The following YBX3 variants were observed in gnomAD, a reference collection of about 807,000 sequenced individuals.
The protein encoded by YBX3 is Y-box binding protein 3.
YBX3 carries 29 observed loss-of-function variants against 42.4 expected under a neutral mutation model. That is an observed-to-expected ratio of 0.68 (90% CI 0.51 to 0.93). The LOEUF (loss-of-function observed/expected upper bound fraction) is 0.93, where lower values mean the gene tolerates loss of function less well. Among genes scored for constraint, YBX3 ranks in the 40% least tolerant of loss-of-function variants. YBX3 has a pLI of 0.00. For synonymous variants in YBX3, 195 were observed against 189.8 expected (o/e 1.03, Z -0.22); for missense variants, 517 against 527.5 (o/e 0.98, Z 0.19).
At chr12:10,708,283 T>C (rs1349601593) in intron 6 of YBX3, among the ~76,000 whole-genome samples, 1 of 152,128 alleles carries the variant, frequency 6.6e-6, no homozygotes, top group East Asian at 1.9e-4. Flanking sequence ...ATGTCCTTAG[T>C]GCATAAGGCA....
chr12:10,709,991 G>A lies in YBX3; in HGVS notation c.697C>T (p.Arg233Trp), dbSNP rs753555662. The A allele has an allele frequency of 3.5e-5, 56 of 1,614,068 alleles. No homozygotes were observed. The highest frequency in any genetic ancestry group is 1.6e-4 in the Middle Eastern group (1 of 6,084). ...TGGTAAGGCGGGAACCGCCGCTGCC[G>A]GTACTGAGGGCGATACTGGGGGCGG... is the stretch of plus-strand genomic sequence containing the variant. ...LRRPQYRPQYRQRRFPPYHVG... is the reference protein window; with the variant it reads ...LRRPQYRPQYWQRRFPPYHVG... Residue 233 changes from arginine (R) to tryptophan (W), a missense_variant, in exon 6 of 10, where the codon CGG (arginine) becomes TGG (tryptophan). Arg to Trp is a moderately radical substitution (Grantham distance 101, BLOSUM62 -3). This residue lies in a region of YBX3 where 420 missense variants were observed against 408.5 expected (regional missense o/e 1.03). Transcript: ENST00000228251.
intron 7 of YBX3, 111 bp from the exon 8 acceptor site, chr12:10,702,245 G>T (rs970885055): frequency 1.6e-5 from 17 of 1,078,284 alleles, no homozygotes; most frequent in South Asian, 9.0e-5. Flanking sequence ...TCAGGGCCAG[G>T]CATGATGGCT....
Position 10,704,095 on chromosome 12 carries a change from C to T in YBX3, c.834G>A (p.Gln278=). 1.9e-6 allele frequency: 3 copies of T among 1,614,192 alleles called. No individual in the cohort carries two copies. The highest frequency in any genetic ancestry group is 2.5e-6 in the Non-Finnish European group (3 of 1,180,038). ...AAGTTGGATTTCGATGAACCGGTCC[C>T]TGAAGTTGTGCTCCCTCTGGGACTC... is the stretch of plus-strand genomic sequence containing the variant. The part of the protein sequence containing the change: ...KDGVPEGAQL[Q]GPVHRNPTYR... The change falls in exon 7 of 10, where the codon CAG becomes CAA. Residue 278 remains glutamine, a synonymous_variant. Transcript: ENST00000228251.
At chr12:10,701,444 G>A in intron 8 of YBX3, 91 bp from the exon 9 acceptor site, 1 of 745,484 alleles carries the variant, frequency 1.3e-6, no homozygotes, top group Non-Finnish European at 2.5e-6. Context: ...GAATTTTCCT[G>A]TGAAGGAAAA....
chr12:10,703,862 G>A, intron 7 of YBX3, 189 bp downstream of exon 7: 1 of 537,820 alleles, frequency 1.9e-6, no homozygotes, highest in South Asian at 3.0e-5. Flanking sequence ...TTGGCGCAGA[G>A]ATAACTAAAA....
chr12:10,703,957 T>C (rs1247976891), intron 7 of YBX3, 94 bp downstream of exon 7: 5 of 1,189,388 alleles, frequency 4.2e-6, no homozygotes, highest in Non-Finnish European at 6.2e-6. Flanking sequence ...CTTCTAGATA[T>C]ATAATAAATC....
At chr12:10,707,667 C>A (rs1948153196) in intron 6 of YBX3, among the ~76,000 whole-genome samples, 1 of 152,144 alleles carries the variant, frequency 6.6e-6, no homozygotes, top group South Asian at 2.1e-4. Context: ...TGTTGAGATC[C>A]CTTTACTGGC....
chr12:10,713,491 G>A (rs1447517445), intron 4 of YBX3, among the ~76,000 whole-genome samples, 158 bp from the exon 5 acceptor site: 2 of 152,164 alleles, frequency 1.3e-5, no homozygotes, highest in African/African-American at 4.8e-5. Context: ...AGTGAGCAAG[G>A]TACTTCACAT....
intron 1 of YBX3, among the ~76,000 whole-genome samples, chr12:10,720,301 G>T (rs999751358): frequency 6.6e-6 from 1 of 152,202 alleles, no homozygotes; most frequent in African/African-American, 2.4e-5. Context: ...GGGTAGTTCT[G>T]AAGTTTGCTA....
Position 10,719,491 on chromosome 12 carries a change from A to G in YBX3, c.263-348T>C, listed in dbSNP as rs114287037. The stretch of plus-strand genomic sequence containing the variant: ...CCAAGTTTTAACCTAGACAAATTTT[A>G]TAAGTTCAAAATAGGAGCTACAATA... On this transcript the variant is annotated intron_variant, in intron 1 of 9. Transcript: ENST00000228251. Among the ~76,000 whole-genome samples the G allele has an allele frequency of 2.0e-3, 310 of 152,332 alleles. 1 individual carries two copies. Among genetic ancestry groups the G allele is most frequent in the African/African-American group, 7.3e-3 (303 of 41,580 alleles).
chr12:10,719,225 G>A, intron 1 of YBX3, 82 bp from the exon 2 acceptor site: 2 of 1,217,164 alleles, frequency 1.6e-6, no homozygotes, highest in Non-Finnish European at 2.4e-6. Context: ...GATAACATTA[G>A]ACAAAGCCTA....
chr12:10,710,907 C>A (rs985207183), intron 5 of YBX3: 1 of 162,662 alleles, frequency 6.1e-6, no homozygotes, highest in African/African-American at 2.4e-5. Flanking sequence ...GTTTATTTTA[C>A]TTTCTAATAT....
intron 3 of YBX3, among the ~76,000 whole-genome samples, chr12:10,717,172 T>C (rs1309729144): frequency 6.6e-6 from 1 of 152,200 alleles, no homozygotes; most frequent in Non-Finnish European, 1.5e-5. Context: ...CACAGCTAGA[T>C]ACCACTATCT....
intron 5 of YBX3, chr12:10,710,324 T>C: frequency 2.1e-6 from 3 of 1,436,940 alleles, no homozygotes; most frequent in Non-Finnish European, 2.7e-6. Flanking sequence ...GCAGATAAAA[T>C]ACCAAGAAGC....
intron 6 of YBX3, among the ~76,000 whole-genome samples, chr12:10,707,628 G>A (rs2120925541): frequency 6.6e-6 from 1 of 152,278 alleles, no homozygotes; most frequent in Middle Eastern, 3.4e-3. Flanking sequence ...CAACAAAACA[G>A]TCCAATAATC....
intron 7 of YBX3, chr12:10,703,840 C>T (rs1948107645): frequency 2.0e-5 from 10 of 505,498 alleles, no homozygotes. Context: ...TTCCAGAATA[C>T]AAAATGACGC....
At chr12:10,701,818 C>T in intron 8 of YBX3, 142 bp downstream of exon 8, 2 of 928,132 alleles carry the variant, frequency 2.2e-6, no homozygotes, top group South Asian at 1.7e-5. Flanking sequence ...ACAAGGCATA[C>T]CCTATATATA....
At chr12:10,716,575 AATAATTCC>A (rs1948264749) in intron 3 of YBX3, among the ~76,000 whole-genome samples, 2 of 152,224 alleles carry the variant, frequency 1.3e-5, no homozygotes, top group African/African-American at 4.8e-5. Context: ...GAAGGCAGAA[AATAATTCC>A]TGCCATGCAT....
intron 1 of YBX3, among the ~76,000 whole-genome samples, chr12:10,721,635 G>T (rs1565593307): frequency 6.8e-6 from 1 of 147,532 alleles, no homozygotes; most frequent in East Asian, 2.0e-4. Context: ...AAAAGCCCTA[G>T]AAAAAAAAAA....
Sources: gnomAD v4.1 joint callset for allele counts (sites outside exome capture counted in the v4.1 genomes callset) on GRCh38, gnomAD v4.1.1 for gene constraint, gnomAD v4.1.1 regional missense constraint, MANE v1.5 for transcripts, NCBI Gene and HGNC (gene_info 2026-07-23, HGNC 2026-07-21) for gene names.